The following NUP93 variants were observed in gnomAD, a reference collection of about 807,000 sequenced individuals.
The protein encoded by NUP93 is nuclear pore complex protein Nup93.
A neutral mutation model predicts 107.8 loss-of-function variants in NUP93; 55 were observed. That is an observed-to-expected ratio of 0.51 (90% CI 0.41 to 0.64). The LOEUF is 0.64. Among genes scored for constraint, NUP93 ranks in the 30% least tolerant of loss-of-function variants. The pLI, the probability that NUP93 is intolerant of heterozygous loss-of-function variation, is 0.00. For missense variants in NUP93, 937 were observed against 1,044.7 expected, an observed-to-expected ratio of 0.90 and a Z score of 1.42; for synonymous variants, 390 against 397.5, an observed-to-expected ratio of 0.98 and a Z score of 0.22.
At chr16:56,805,857 A>G (rs183675864) in intron 5 of NUP93, among the ~76,000 whole-genome samples, 1 of 151,828 alleles carries the variant, frequency 6.6e-6, no homozygotes, top group African/African-American at 2.4e-5. Flanking sequence ...CCTGACCTCT[A>G]TAGGTTTGAG....
intron 3 of NUP93, among the ~76,000 whole-genome samples, chr16:56,763,581 C>G (rs1433264330): frequency 2.0e-5 from 3 of 151,370 alleles, no homozygotes; most frequent in African/African-American, 7.3e-5. Flanking sequence ...TATAACATAT[C>G]TTTGCTCACT....
intron 3 of NUP93, among the ~76,000 whole-genome samples, chr16:56,791,828 A>T (rs1332990401): frequency 6.6e-6 from 1 of 152,190 alleles, no homozygotes; most frequent in Non-Finnish European, 1.5e-5. Flanking sequence ...GCTTGGACAG[A>T]TGTGTAGCAT....
Position 56,798,528 on chromosome 16 carries a change from C to T in NUP93, c.350C>T (p.Ser117Phe). Residue 117 changes from serine (S) to phenylalanine (F), a missense_variant, in exon 4 of 22, where the codon TCC becomes TTC. Physicochemically the swap from Ser to Phe is radical, Grantham distance 155. Transcript: ENST00000308159. ...GCCCTGCTGTCTGCCATCGAAGAGT[C>T]CCGGAAGAGGGTAAGAAAATTAACC... is the stretch of plus-strand genomic sequence containing the variant. ...DNALLSAIEESRKRTFGMAEE... is the reference protein window; with the variant it reads ...DNALLSAIEEFRKRTFGMAEE... 1.9e-6 allele frequency: 3 copies of T among 1,613,846 alleles called. No individual in the cohort carries two copies. The highest frequency in any genetic ancestry group is 2.5e-6 in the Non-Finnish European group (3 of 1,179,860).
intron 2 of NUP93, among the ~76,000 whole-genome samples, chr16:56,755,388 C>T (rs1195957890): frequency 6.8e-6 from 1 of 147,726 alleles, no homozygotes; most frequent in Non-Finnish European, 1.5e-5. Context: ...TGTGTGATTG[C>T]ATTTATGAGC....
chr16:56,829,186 G>T, intron 9 of NUP93, 77 bp downstream of exon 9: 1 of 1,523,832 alleles, frequency 6.6e-7, no homozygotes, highest in Non-Finnish European at 8.9e-7. Flanking sequence ...CAGTTAAAAT[G>T]AGGGTATCTG....
At chr16:56,781,914 CG>C in intron 3 of NUP93, 1 of 985,242 alleles carries the variant, frequency 1.0e-6, no homozygotes, top group Non-Finnish European at 1.2e-6. Flanking sequence ...TGCTGTGCTC[CG>C]GGGGCTGCAG....
intron 3 of NUP93, among the ~76,000 whole-genome samples, chr16:56,766,663 C>A (rs1343390240): frequency 6.6e-6 from 1 of 152,168 alleles, no homozygotes; most frequent in Non-Finnish European, 1.5e-5. Flanking sequence ...ACCTTGTGAT[C>A]TCTTATTTCT....
At chr16:56,761,559 G>T in intron 3 of NUP93, among the ~76,000 whole-genome samples, 1 of 27,938 alleles carries the variant, frequency 3.6e-5, no homozygotes, top group Admixed American at 6.8e-4. Flanking sequence ...TTCAATCAAT[G>T]CATTTTTTTT....
intron 3 of NUP93, among the ~76,000 whole-genome samples, chr16:56,764,489 CAAAAAATGAATAAAATT>C: frequency 6.6e-6 from 1 of 152,170 alleles, no homozygotes; most frequent in Non-Finnish European, 1.5e-5. Flanking sequence ...GACTCTGTCT[CAAAAAATGAATAAAATT>C]AAAAAATGAA....
chr16:56,797,808 G>A (rs1200578974), intron 3 of NUP93, among the ~76,000 whole-genome samples: 5 of 152,154 alleles, frequency 3.3e-5, no homozygotes, highest in African/African-American at 1.2e-4. Context: ...GGAGGCACTA[G>A]GATTTGAAAC....
At chr16:56,748,026 A>G in intron 1 of NUP93, 1 of 413,694 alleles carries the variant, frequency 2.4e-6, no homozygotes, top group Non-Finnish European at 4.4e-6. Flanking sequence ...ATGCACAGAA[A>G]TGATCTGTTT....
chr16:56,819,574 C>T (rs1963502257), intron 6 of NUP93, among the ~76,000 whole-genome samples: 1 of 152,182 alleles, frequency 6.6e-6, no homozygotes, highest in Non-Finnish European at 1.5e-5. Flanking sequence ...CATTATCCAC[C>T]TCATCCTCCT....
chr16:56,799,824 C>T (rs1370609828), intron 4 of NUP93, among the ~76,000 whole-genome samples: 1 of 152,146 alleles, frequency 6.6e-6, no homozygotes, highest in Non-Finnish European at 1.5e-5. Flanking sequence ...GGAGACTTGC[C>T]AGCTCCATTT....
intron 8 of NUP93, among the ~76,000 whole-genome samples, chr16:56,824,062 C>T (rs1963606532): frequency 6.6e-6 from 1 of 152,164 alleles, no homozygotes; most frequent in African/African-American, 2.4e-5. Context: ...AATCACACGT[C>T]AAAAAATCAT....
chr16:56,834,043 C>T, intron 13 of NUP93, 85 bp from the exon 14 acceptor site: 1 of 1,577,040 alleles, frequency 6.3e-7, no homozygotes, highest in South Asian at 1.1e-5. Context: ...GCTGCTGGGT[C>T]TGTGGATTCA....
rs184776824 is a variant in NUP93 at position 56,792,531 on chromosome 16, A to G, written c.298-5945A>G. 2.1e-3 allele frequency among the ~76,000 whole-genome samples: 327 copies of G among 152,278 alleles called. 2 individuals carry two copies. The highest frequency in any genetic ancestry group is 3.9e-3 in the Non-Finnish European group (264 of 68,022). On this transcript the variant is annotated intron_variant, in intron 3 of 21. Coordinates refer to ENST00000308159, the MANE Select transcript of NUP93 (RefSeq NM_014669.5). The stretch of plus-strand genomic sequence containing the variant: ...TTTTAAGTTGGTAGAGGCTCAAGAA[A>G]CCGTTTTGTACAGCTCACTCAACTT...
chr16:56,783,688 G>C, intron 3 of NUP93: 1 of 985,416 alleles, frequency 1.0e-6, no homozygotes, highest in Non-Finnish European at 1.2e-6. Flanking sequence ...ACAATTAGCT[G>C]TATCATGGTC....
chr16:56,740,266 A>G (rs1961703272), intron 1 of NUP93, among the ~76,000 whole-genome samples: 1 of 139,778 alleles, frequency 7.2e-6, no homozygotes, highest in Non-Finnish European at 1.6e-5. Flanking sequence ...CTCACTTCTC[A>G]GACGGGGTGG....
chr16:56,831,918 C>T lies in NUP93; in HGVS notation c.1162C>T (p.Arg388Trp), dbSNP rs145146218. The change falls in exon 11 of 22, where the codon CGG (arginine) becomes TGG (tryptophan). Residue 388 changes from arginine (R) to tryptophan (W), a missense_variant. By Grantham distance (101) the Arg-to-Trp change is moderately radical. Coordinates refer to ENST00000308159, the MANE Select transcript of NUP93 (RefSeq NM_014669.5). ...ALRNNTDPYK[R>W]AVYCIIGRCD... Reference sequence around the variant, plus strand: ...CAGGAACAATACAGATCCCTACAAGCGGGCCGTGTACTGTATCATTGGCAG... The same window carrying T: ...CAGGAACAATACAGATCCCTACAAGTGGGCCGTGTACTGTATCATTGGCAG... 5.8e-4 allele frequency: 936 copies of T among 1,614,068 alleles called. 3 individuals carry two copies. The highest frequency in any genetic ancestry group is 9.6e-4 in the South Asian group (87 of 91,078).
Sources: gnomAD v4.1 joint callset for allele counts (sites outside exome capture counted in the v4.1 genomes callset) on GRCh38, gnomAD v4.1.1 for gene constraint, MANE v1.5 for transcripts, NCBI Gene and HGNC (gene_info 2026-07-23, HGNC 2026-07-21) for gene names.